FBXW8: variants seen among roughly 807,000 people sequenced by gnomAD.
FBXW8 encodes the protein F-box/WD repeat-containing protein 8.
FBXW8 carries 57 observed loss-of-function variants against 65.3 expected under a neutral mutation model. The ratio of observed to expected loss-of-function variants is 0.87; its 90% CI spans 0.71 to 1.09. The LOEUF (loss-of-function observed/expected upper bound fraction) is 1.09, where lower values mean the gene tolerates loss of function less well. FBXW8 is among the 50% of genes least tolerant of loss of function. The probability of loss-of-function intolerance (pLI) is 0.00; values close to 1 mark genes in which losing one functional copy is unlikely to be tolerated. For missense variants in FBXW8, 777 were observed against 814.8 expected (o/e 0.95, Z 0.57); for synonymous variants, 308 against 330.2 (o/e 0.93, Z 0.73).
rs183514986 is a variant in FBXW8 at position 116,961,994 on chromosome 12, C to A, written c.678-2703C>A. On this transcript the variant is annotated intron_variant, in intron 4 of 10. Coordinates refer to ENST00000652555, the MANE Select transcript of FBXW8 (RefSeq NM_153348.3). This position sits in a 1 kb window ranked among gnomAD's most constrained non-coding sequence, Gnocchi z 4.4. Reference sequence around the variant, plus strand: ...CTGGGAATGAGCAGAACAGAACAAGCTTGGCACCTGAGCATCTATAGTGGT... The same window carrying A: ...CTGGGAATGAGCAGAACAGAACAAGATTGGCACCTGAGCATCTATAGTGGT... Among the ~76,000 whole-genome samples the A allele has an allele frequency of 6.6e-6, 1 of 152,222 alleles. No homozygotes were observed. Among genetic ancestry groups the A allele is most frequent in the Admixed American group, 6.5e-5 (1 of 15,300 alleles).
At chr12:117,013,105 T>C (rs1953865795) in intron 8 of FBXW8, among the ~76,000 whole-genome samples, 1 of 152,106 alleles carries the variant, frequency 6.6e-6, no homozygotes, top group African/African-American at 2.4e-5. Flanking sequence ...TAGCCACGCA[T>C]GGTGACGCAT....
chr12:117,015,547 G>A (rs970644656), intron 8 of FBXW8, among the ~76,000 whole-genome samples: 1 of 152,148 alleles, frequency 6.6e-6, no homozygotes, highest in Non-Finnish European at 1.5e-5. Flanking sequence ...ATCTCGCAGG[G>A]AGAAGCTTAT....
intron 7 of FBXW8, chr12:117,002,801 C>G: frequency 6.6e-6 from 1 of 152,186 alleles, no homozygotes; most frequent in Non-Finnish European, 1.5e-5. Flanking sequence ...CTGGCTCCCC[C>G]TCTCCCCAGT....
intron 4 of FBXW8, among the ~76,000 whole-genome samples, chr12:116,960,186 A>G (rs1883896525): frequency 6.6e-6 from 1 of 152,234 alleles, no homozygotes; most frequent in Non-Finnish European, 1.5e-5. Context: ...AAGCACTTTT[A>G]GATCACATTT....
intron 7 of FBXW8, among the ~76,000 whole-genome samples, chr12:116,993,410 G>T (rs1196397018): frequency 3.9e-5 from 6 of 151,934 alleles, no homozygotes; most frequent in African/African-American, 1.5e-4. Flanking sequence ...CCTGTTTTTT[G>T]ATTTTTTAAT....
chr12:116,910,985 C>G lies in FBXW8; in HGVS notation c.-53C>G, dbSNP rs1468934333. 41 of 1,340,736 alleles carry G rather than the reference C, an allele frequency of 3.1e-5. No homozygotes were observed. The highest frequency in any genetic ancestry group is 3.9e-5 in the Non-Finnish European group (41 of 1,050,256). 83.1% of individuals were successfully genotyped at this position (1,340,736 alleles called of 1,614,324 possible). On this transcript the variant is annotated 5_prime_UTR_variant, in exon 1 of 11. Coordinates refer to ENST00000652555, the MANE Select transcript of FBXW8 (RefSeq NM_153348.3). The stretch of plus-strand genomic sequence containing the variant: ...CGGACACTTCCCTGGGCGGGACTGT[C>G]TCGTGGCACCCGGTGGAACCGAGGA...
chr12:116,986,743 T>G (rs1885718486), intron 6 of FBXW8: 1 of 152,268 alleles, frequency 6.6e-6, no homozygotes, highest in South Asian at 2.1e-4. Context: ...AAATCCTGCC[T>G]TGGCAATAAG....
intron 8 of FBXW8, among the ~76,000 whole-genome samples, chr12:117,011,561 A>AAG (rs1433909563): frequency 2.0e-5 from 3 of 152,176 alleles, no homozygotes; most frequent in Non-Finnish European, 4.4e-5. Flanking sequence ...TAGGCTTGAT[A>AAG]AGTGGCCCCA....
chr12:116,926,006 A>G (rs1289389317), intron 1 of FBXW8, among the ~76,000 whole-genome samples: 3 of 152,196 alleles, frequency 2.0e-5, no homozygotes, highest in South Asian at 2.1e-4. Context: ...GGTGATGCCA[A>G]GATACGGGCA....
chr12:116,992,504 T>A (rs1433706750), intron 7 of FBXW8, among the ~76,000 whole-genome samples: 1 of 151,768 alleles, frequency 6.6e-6, no homozygotes, highest in East Asian at 1.9e-4. Context: ...AACTGTATAG[T>A]GGGGAAGCTT....
chr12:116,931,669 C>T (rs1317832545), intron 2 of FBXW8, among the ~76,000 whole-genome samples: 2 of 150,438 alleles, frequency 1.3e-5, no homozygotes, highest in Admixed American at 6.6e-5. Context: ...TTACAGATAG[C>T]TTGTTGTTAG....
chr12:117,002,535 T>A (rs188057842), intron 7 of FBXW8: 1 of 152,308 alleles, frequency 6.6e-6, no homozygotes, highest in East Asian at 1.9e-4. Context: ...CAAGCTTCTG[T>A]TTGCCAACAG....
At chr12:116,997,560 T>G (rs967004816) in intron 7 of FBXW8, among the ~76,000 whole-genome samples, 15 of 152,144 alleles carry the variant, frequency 9.9e-5, no homozygotes, top group Non-Finnish European at 2.2e-4. Context: ...AGGTGCCTCC[T>G]TCACCCCCGG....
At position 116,985,264 on chromosome 12, in the gene FBXW8, C is replaced by T. The variant is rs138454816; in HGVS notation, c.894C>T (p.His298=). ...TGKYPVHRFE[H]DARIQALALS... ...AGTACCCTGTTCATCGTTTTGAGCA[C>T]GATGCAAGAATACAGGCACTAGCCC... Residue 298 remains histidine, a synonymous_variant, in exon 6 of 11, where the codon CAC becomes CAT. Transcript: ENST00000652555. The T allele has an allele frequency of 2.3e-3, 3,727 of 1,613,920 alleles. 84 individuals are homozygous for T. In the African/African-American group the frequency reaches 0.042, roughly 18 times the overall value.
chr12:116,951,038 C>G (rs774520966), intron 4 of FBXW8: 1 of 152,226 alleles, frequency 6.6e-6, no homozygotes, highest in Non-Finnish European at 1.5e-5. Flanking sequence ...TTATGAATTT[C>G]TTCTCTGGAG....
At chr12:116,996,996 T>G (rs1412021545) in intron 7 of FBXW8, among the ~76,000 whole-genome samples, 1 of 152,188 alleles carries the variant, frequency 6.6e-6, no homozygotes, top group Non-Finnish European at 1.5e-5. Context: ...TCCAGACTGA[T>G]AGAAAATCAT....
chr12:116,954,466 G>T (rs935855056), intron 4 of FBXW8, among the ~76,000 whole-genome samples: 7 of 152,090 alleles, frequency 4.6e-5, no homozygotes, highest in African/African-American at 1.7e-4. Context: ...GTCATTTCCT[G>T]TGTTTTGTTA....
chr12:116,939,161 T>G (rs1249832669), intron 2 of FBXW8, among the ~76,000 whole-genome samples: 1 of 152,204 alleles, frequency 6.6e-6, no homozygotes, highest in Non-Finnish European at 1.5e-5. Flanking sequence ...AAATGCAGCT[T>G]CTTATACAGG....
chr12:116,949,433 C>T, intron 3 of FBXW8, 185 bp from the exon 4 acceptor site: 1 of 611,376 alleles, frequency 1.6e-6, no homozygotes, highest in African/African-American at 1.8e-5. Flanking sequence ...TGGTAACTCG[C>T]CCATGCTTAA....
Sources: gnomAD v4.1 joint callset for allele counts (sites outside exome capture counted in the v4.1 genomes callset) on GRCh38, gnomAD v4.1.1 for gene constraint, Gnocchi (gnomAD v3.1) non-coding constraint, MANE v1.5 for transcripts, NCBI Gene and HGNC (gene_info 2026-07-23, HGNC 2026-07-21) for gene names.